NALF1: variants seen among roughly 807,000 people sequenced by gnomAD.
The protein encoded by NALF1 is NALCN channel auxiliary factor 1, also known as family with sequence similarity 155 member A.
Under a neutral mutation model 48.4 loss-of-function variants are expected in NALF1, and 3 were observed. The ratio of observed to expected loss-of-function variants is 0.06; its 90% CI spans 0.03 to 0.16. The LOEUF (loss-of-function observed/expected upper bound fraction) is 0.16, where lower values mean the gene tolerates loss of function less well. Among genes scored for constraint, NALF1 ranks in the 10% least tolerant of loss-of-function variants. The pLI is 1.00. For missense variants in NALF1, 526 were observed against 571.5 expected (o/e 0.92, Z 0.81); for synonymous variants, 262 against 245.7 (o/e 1.07, Z -0.62).
intron 1 of NALF1, among the ~76,000 whole-genome samples, chr13:107,298,299 A>C (rs1881763838): frequency 7.7e-6 from 1 of 129,868 alleles, no homozygotes; most frequent in Non-Finnish European, 1.6e-5. Context: ...GCAGTGAGCA[A>C]GGATGGCACC....
intron 1 of NALF1, among the ~76,000 whole-genome samples, chr13:107,736,442 C>T (rs1354157955): frequency 6.6e-6 from 1 of 152,114 alleles, no homozygotes; most frequent in Non-Finnish European, 1.5e-5. Context: ...TGCTGCAACT[C>T]AGTAGGTGGG....
At chr13:107,365,643 T>G (rs1883139799) in intron 1 of NALF1, among the ~76,000 whole-genome samples, 1 of 152,228 alleles carries the variant, frequency 6.6e-6, no homozygotes. Context: ...GTTGACCTCT[T>G]GCAGAGACAT....
At chr13:107,269,812 CTT>C (rs564148932) in intron 1 of NALF1, among the ~76,000 whole-genome samples, 1 of 129,862 alleles carries the variant, frequency 7.7e-6, no homozygotes, top group Non-Finnish European at 1.6e-5. Context: ...AAATATGTTT[CTT>C]TTTTTTTTTT....
intron 1 of NALF1, among the ~76,000 whole-genome samples, chr13:107,667,703 G>A (rs932244641): frequency 2.6e-5 from 4 of 151,970 alleles, no homozygotes; most frequent in African/African-American, 9.7e-5. Context: ...AGAAAAAAAC[G>A]AATGCCATCC....
chr13:107,645,168 G>A (rs1439538312), intron 1 of NALF1, among the ~76,000 whole-genome samples: 2 of 152,070 alleles, frequency 1.3e-5, no homozygotes, highest in Non-Finnish European at 2.9e-5. Flanking sequence ...GTATATATTT[G>A]GCTTTAATAG....
chr13:107,430,441 T>TC (rs1228152519), intron 1 of NALF1, among the ~76,000 whole-genome samples: 1 of 151,888 alleles, frequency 6.6e-6, no homozygotes, highest in Admixed American at 6.6e-5. Context: ...CCCTTCCCCC[T>TC]CCCCCTGCTC....
chr13:107,748,346 T>A (rs1233253633), intron 1 of NALF1, among the ~76,000 whole-genome samples: 1 of 152,218 alleles, frequency 6.6e-6, no homozygotes, highest in Non-Finnish European at 1.5e-5. Flanking sequence ...GAGCAAATTG[T>A]TGCTTTGCAG....
At chr13:107,337,673 G>T (rs959933206) in intron 1 of NALF1, among the ~76,000 whole-genome samples, 1 of 152,084 alleles carries the variant, frequency 6.6e-6, no homozygotes, top group Non-Finnish European at 1.5e-5. Context: ...CAAGAGCTGG[G>T]AGCTGACCAA....
chr13:107,386,300 T>C (rs1196322181), intron 1 of NALF1, among the ~76,000 whole-genome samples: 1 of 152,186 alleles, frequency 6.6e-6, no homozygotes, highest in Non-Finnish European at 1.5e-5. Context: ...CCACCCCCTC[T>C]TGGTTGACTG....
chr13:107,376,169 G>T (rs971675317), intron 1 of NALF1, among the ~76,000 whole-genome samples: 1 of 152,220 alleles, frequency 6.6e-6, no homozygotes, highest in Non-Finnish European at 1.5e-5. Flanking sequence ...AGAACTTTGC[G>T]CGCCCTTTCC....
At chr13:107,769,592 A>G (rs1344932746) in intron 1 of NALF1, among the ~76,000 whole-genome samples, 2 of 150,698 alleles carry the variant, frequency 1.3e-5, no homozygotes, top group Non-Finnish European at 3.0e-5. Flanking sequence ...CTAATGCTAG[A>G]TGACGAGTTA....
intron 1 of NALF1, among the ~76,000 whole-genome samples, chr13:107,486,557 C>T (rs541186325): frequency 1.4e-4 from 21 of 152,252 alleles, no homozygotes; most frequent in South Asian, 8.3e-4. Flanking sequence ...CGCCCTCTTA[C>T]GTTAGTGCTG....
chr13:107,245,208 A>C (rs1387620917), intron 1 of NALF1, among the ~76,000 whole-genome samples: 1 of 152,164 alleles, frequency 6.6e-6, no homozygotes, highest in African/African-American at 2.4e-5. Context: ...TTTTTGCTTT[A>C]TTTAATGATA....
chr13:107,730,169 G>C (rs1158774487), intron 1 of NALF1, among the ~76,000 whole-genome samples: 1 of 152,186 alleles, frequency 6.6e-6, no homozygotes, highest in African/African-American at 2.4e-5. Context: ...CAGAACTACT[G>C]TCGAGAATCA....
intron 1 of NALF1, among the ~76,000 whole-genome samples, chr13:107,643,961 GA>G (rs1353126495): frequency 9.5e-5 from 11 of 116,094 alleles, no homozygotes; most frequent in African/African-American, 3.9e-4. Flanking sequence ...AGTTTCAGAT[GA>G]TTTTTTTTTT....
chr13:107,210,548 G>A (rs759355125), intron 2 of NALF1, 36 bp downstream of exon 2: 13 of 1,466,896 alleles, frequency 8.9e-6, no homozygotes, highest in Non-Finnish European at 5.7e-6. Flanking sequence ...CAAAACCACC[G>A]GAGACTGGTG....
intron 2 of NALF1, among the ~76,000 whole-genome samples, chr13:107,187,436 T>A (rs1342384772): frequency 1.3e-5 from 2 of 152,140 alleles, no homozygotes; most frequent in African/African-American, 4.8e-5. Context: ...GTCAAGTCTC[T>A]CCAACAGGCA....
chr13:107,634,119 G>A (rs2138451434), intron 1 of NALF1, among the ~76,000 whole-genome samples: 1 of 152,030 alleles, frequency 6.6e-6, no homozygotes, highest in South Asian at 2.1e-4. Flanking sequence ...GCTGATACCA[G>A]GTAGAGAACA....
At chr13:107,600,949 C>T (rs1471861184) in intron 1 of NALF1, among the ~76,000 whole-genome samples, 1 of 152,136 alleles carries the variant, frequency 6.6e-6, no homozygotes, top group Non-Finnish European at 1.5e-5. Flanking sequence ...TCAGGGCAAT[C>T]CCAGAGGAAG....
Sources: gnomAD v4.1 joint callset for allele counts (sites outside exome capture counted in the v4.1 genomes callset) on GRCh38, gnomAD v4.1.1 for gene constraint, MANE v1.5 for transcripts, NCBI Gene and HGNC (gene_info 2026-07-23, HGNC 2026-07-21) for gene names.